The following ACYP2 variants were observed in gnomAD, a reference collection of about 807,000 sequenced individuals.
ACYP2 encodes the protein acylphosphatase-2.
ACYP2 carries 12 observed loss-of-function variants against 11.2 expected under a neutral mutation model. The observed-to-expected ratio is 1.08, with a 90% confidence interval of 0.69 to 1.74. ACYP2 has a LOEUF of 1.74. Among genes scored for constraint, ACYP2 ranks in the 40% most tolerant of loss-of-function variants. The pLI, the probability that ACYP2 is intolerant of heterozygous loss-of-function variation, is 0.00. For synonymous variants in ACYP2, 43 were observed against 32.2 expected (o/e 1.33, Z -1.13); for missense variants, 134 against 101.9 (o/e 1.31, Z -1.35).
chr2:54,257,708 G>A (rs1039084081), intron 6 of ACYP2, among the ~76,000 whole-genome samples: 7 of 152,160 alleles, frequency 4.6e-5, no homozygotes, highest in Admixed American at 1.3e-4. Flanking sequence ...GAAAATTATA[G>A]TCACATTGAT....
chr2:54,046,258 T>A (rs1011855965), intron 2 of ACYP2, among the ~76,000 whole-genome samples: 2 of 150,706 alleles, frequency 1.3e-5, no homozygotes, highest in African/African-American at 4.9e-5. Context: ...GCGGGTGCAT[T>A]ACTTGAGGTC....
chr2:54,106,428 C>T (rs1201307101), intron 4 of ACYP2, among the ~76,000 whole-genome samples: 1 of 152,020 alleles, frequency 6.6e-6, no homozygotes, highest in Admixed American at 6.5e-5. Flanking sequence ...TTTTATACTG[C>T]AAAAAGCTTC....
rs1379927480 is a variant in ACYP2 at position 54,050,809 on chromosome 2, C to G, written c.63-149C>G. 9 of 346,290 alleles carry G rather than the reference C, an allele frequency of 2.6e-5. No individual in the cohort carries two copies. In the East Asian group the frequency reaches 3.8e-4, roughly 15 times the overall value. 21.5% of individuals were successfully genotyped at this position (346,290 alleles called of 1,614,324 possible). On this transcript the variant is annotated intron_variant, in intron 2 of 6. Coordinates refer to ENST00000607452, the MANE Select transcript of ACYP2 (RefSeq NM_001320586.2). The stretch of plus-strand genomic sequence containing the variant: ...TTTATTTTTGAGGCAATGTCTTTTT[C>G]TGTCATTGAGGCTGGAGTGCAGTAG...
chr2:54,270,948 C>G (rs1022370604), intron 6 of ACYP2, among the ~76,000 whole-genome samples: 1 of 152,106 alleles, frequency 6.6e-6, no homozygotes, highest in Non-Finnish European at 1.5e-5. Flanking sequence ...AAGCTTTGTA[C>G]TTTTCTTTAC....
chr2:54,027,342 C>A lies in ACYP2; in HGVS notation c.63-23616C>A, dbSNP rs370483881. ...ACTCTCTGGCCTTTTCCCTCCTTTT[C>A]CCCCAGAAGGCTGTCATGTAACAGC... On this transcript the variant is annotated intron_variant, in intron 2 of 6. Transcript: ENST00000607452. Among the ~76,000 whole-genome samples the A allele has an allele frequency of 7.2e-5, 11 of 152,222 alleles. No homozygotes were observed. The East Asian group carries it at 1.7e-3, about 24-fold the overall frequency.
chr2:54,131,978 T>C (rs1680924996), intron 4 of ACYP2, among the ~76,000 whole-genome samples: 1 of 152,222 alleles, frequency 6.6e-6, no homozygotes, highest in Non-Finnish European at 1.5e-5. Context: ...AGGAAAGAGA[T>C]GGACTACGTG....
At chr2:54,009,006 A>G (rs1313059784) in intron 2 of ACYP2, among the ~76,000 whole-genome samples, 1 of 151,832 alleles carries the variant, frequency 6.6e-6, no homozygotes, top group African/African-American at 2.4e-5. Context: ...TACAAAAATT[A>G]GCCGGGAGTG....
At chr2:53,992,303 T>G (rs1243255046) in intron 2 of ACYP2, among the ~76,000 whole-genome samples, 2 of 152,100 alleles carry the variant, frequency 1.3e-5, no homozygotes, top group African/African-American at 4.8e-5. Flanking sequence ...GCACTTAAAT[T>G]TACTCTAAGT....
At chr2:54,042,583 CT>C (rs1032524191) in intron 2 of ACYP2, among the ~76,000 whole-genome samples, 9 of 152,084 alleles carry the variant, frequency 5.9e-5, no homozygotes, top group Admixed American at 2.0e-4. Context: ...AAACATACAA[CT>C]TTTTTTTATT....
intron 4 of ACYP2, among the ~76,000 whole-genome samples, chr2:54,125,950 GCACGCCTATAATCC>G (rs549512860): frequency 1.7e-4 from 26 of 149,152 alleles, no homozygotes; most frequent in African/African-American, 6.4e-4. Flanking sequence ...GCATGGTGGT[GCACGCCTATAATCC>G]CAGCTACTCG....
chr2:54,227,197 A>G (rs1224593083), intron 6 of ACYP2, among the ~76,000 whole-genome samples: 8 of 152,226 alleles, frequency 5.3e-5, no homozygotes, highest in Non-Finnish European at 7.3e-5. Flanking sequence ...CTTTTGTCAA[A>G]GAGTGAGTAA....
At chr2:54,264,242 C>A (rs909937625) in intron 6 of ACYP2, among the ~76,000 whole-genome samples, 1 of 152,022 alleles carries the variant, frequency 6.6e-6, no homozygotes, top group African/African-American at 2.4e-5. Flanking sequence ...AAAGGTAGTG[C>A]GGACCCAAAG....
intron 2 of ACYP2, among the ~76,000 whole-genome samples, chr2:54,008,720 C>G (rs1433440157): frequency 1.3e-5 from 2 of 152,162 alleles, no homozygotes; most frequent in East Asian, 3.8e-4. Context: ...CCAGGCTGAT[C>G]TTGTGAACTC....
At chr2:54,265,256 A>G (rs1162132542) in intron 6 of ACYP2, among the ~76,000 whole-genome samples, 1 of 152,178 alleles carries the variant, frequency 6.6e-6, no homozygotes, top group Non-Finnish European at 1.5e-5. Flanking sequence ...GGTGGAAGGC[A>G]AGGAGGAGCA....
chr2:54,038,508 T>C (rs1160884394), intron 2 of ACYP2, among the ~76,000 whole-genome samples: 1 of 151,840 alleles, frequency 6.6e-6, no homozygotes, highest in Non-Finnish European at 1.5e-5. Context: ...GATCATTTAA[T>C]CCTTGTAATA....
intron 6 of ACYP2, among the ~76,000 whole-genome samples, chr2:54,188,035 G>A (rs776122569): frequency 2.0e-5 from 3 of 152,200 alleles, no homozygotes; most frequent in Non-Finnish European, 2.9e-5. Flanking sequence ...GCACAAACCT[G>A]TCGTAGCCCT....
intron 1 of ACYP2, among the ~76,000 whole-genome samples, chr2:53,972,593 C>G (rs1282786114): frequency 6.6e-6 from 1 of 151,198 alleles, no homozygotes; most frequent in African/African-American, 2.4e-5. Flanking sequence ...GGTGGCAGAG[C>G]GAGACTCCGT....
chr2:54,294,426 T>C (rs1689437954), intron 6 of ACYP2, among the ~76,000 whole-genome samples: 1 of 151,948 alleles, frequency 6.6e-6, no homozygotes, highest in Admixed American at 6.6e-5. Flanking sequence ...ACCCGCGGGA[T>C]TCCTCAGAGA....
chr2:54,270,039 G>A (rs1439239085), intron 6 of ACYP2, among the ~76,000 whole-genome samples: 1 of 151,932 alleles, frequency 6.6e-6, no homozygotes, highest in Non-Finnish European at 1.5e-5. Flanking sequence ...TTCTTCATAT[G>A]CAAATAGTAT....
Sources: allele counts gnomAD v4.1 joint callset (sites outside exome capture counted in the v4.1 genomes callset), GRCh38; gene constraint gnomAD v4.1.1; transcripts MANE v1.5; gene names NCBI Gene and HGNC (gene_info 2026-07-23, HGNC 2026-07-21).